Variants in TCF25 observed in about 807,000 individuals in gnomAD.
The protein encoded by TCF25 is ribosome quality control complex subunit TCF25.
In TCF25, 41 loss-of-function variants were observed where a neutral mutation model predicts 83.1. The ratio of observed to expected loss-of-function variants is 0.49; its 90% CI spans 0.38 to 0.64. TCF25 has a LOEUF of 0.64. TCF25 is among the 30% of genes least tolerant of loss of function. TCF25 has a pLI of 0.00. For missense variants in TCF25, 979 were observed against 914.5 expected, an observed-to-expected ratio of 1.07 and a Z score of -0.91; for synonymous variants, 458 against 365.0, an observed-to-expected ratio of 1.25 and a Z score of -2.90.
Position 89,911,212 on chromosome 16 carries a change from G to T in TCF25, c.2005G>T (p.Ala669Ser). ...CCTGGAGGCGCCGCACGAGGACGAC[G>T]CTGAGGGGGAGGGGGAGTGGGACTG... is the stretch of plus-strand genomic sequence containing the variant. ...NDLEAPHEDD[A>S]EGEGEWD Residue 669 changes from alanine (A) to serine (S), a missense_variant, in exon 18 of 18, where the codon GCT becomes TCT. Transcript: ENST00000263346. The T allele has an allele frequency of 6.2e-7, 1 of 1,612,494 alleles. No homozygotes were observed. The highest frequency in any genetic ancestry group is 1.7e-5 in the Admixed American group (1 of 60,014).
chr16:89,879,289 ACACAGACGGGCTT>A (rs2042428604), intron 1 of TCF25, among the ~76,000 whole-genome samples: 1 of 118,508 alleles, frequency 8.4e-6, no homozygotes, highest in Non-Finnish European at 1.7e-5. Flanking sequence ...TTGTCCGTGT[ACACAGACGGGCTT>A]CAGAGCCTGT....
intron 1 of TCF25, among the ~76,000 whole-genome samples, chr16:89,882,504 T>C (rs905425700): frequency 3.3e-5 from 5 of 152,222 alleles, no homozygotes; most frequent in Non-Finnish European, 7.3e-5. Flanking sequence ...ACTGCTGCAC[T>C]GCAGCCTGGA....
intron 4 of TCF25, among the ~76,000 whole-genome samples, 197 bp from the exon 5 acceptor site, chr16:89,887,455 G>T (rs1168803957): frequency 6.6e-6 from 1 of 152,236 alleles, no homozygotes; most frequent in African/African-American, 2.4e-5. Flanking sequence ...GCACAGTGAC[G>T]GCAGCTTCCC....
intron 16 of TCF25, among the ~76,000 whole-genome samples, chr16:89,908,657 C>T (rs867245153): frequency 5.6e-5 from 6 of 107,702 alleles, no homozygotes; most frequent in African/African-American, 6.9e-5. Context: ...GCTCCCACCT[C>T]CCAGCTCCCA....
Position 89,898,581 on chromosome 16 carries a change from G to A in TCF25, c.1047G>A (p.Lys349=), listed in dbSNP as rs1326243171. The change falls in exon 10 of 18, where the codon AAG becomes AAA. Residue 349 remains lysine (K), a synonymous_variant. Transcript: ENST00000263346. ...GGAGCTTCTACCTGGCCCTCTACAA[G>A]CAGATGAGCTTCCTGGAGAAGCGAG... The part of the protein sequence containing the change: ...ENRSFYLALY[K]QMSFLEKRGC... 1.9e-6 allele frequency: 3 copies of A among 1,613,214 alleles called. No homozygotes were observed. The highest frequency in any genetic ancestry group is 2.5e-6 in the Non-Finnish European group (3 of 1,180,026).
At chr16:89,904,274 C>T in intron 13 of TCF25, 69 bp downstream of exon 13, 1 of 1,510,678 alleles carries the variant, frequency 6.6e-7, no homozygotes, top group South Asian at 1.2e-5. Flanking sequence ...CATTTTCACT[C>T]ATCCTGAGAG....
intron 1 of TCF25, among the ~76,000 whole-genome samples, chr16:89,881,590 C>T (rs2042612414): frequency 6.6e-6 from 1 of 151,874 alleles, no homozygotes. Flanking sequence ...AGCTGGGACT[C>T]AAGAGGTGTG....
intron 17 of TCF25, 64 bp downstream of exon 17, chr16:89,910,727 A>G: frequency 2.0e-6 from 3 of 1,529,460 alleles, no homozygotes; most frequent in Non-Finnish European, 2.7e-6. Flanking sequence ...TTCCAGTGCG[A>G]ATGCCTGGAG....
At chr16:89,875,049 G>C (rs1334922379) in intron 1 of TCF25, among the ~76,000 whole-genome samples, 1 of 152,160 alleles carries the variant, frequency 6.6e-6, no homozygotes, top group Non-Finnish European at 1.5e-5. Context: ...GCCCAGGCTG[G>C]AGTGCATTGG....
intron 17 of TCF25, 127 bp from the exon 18 acceptor site, chr16:89,910,952 TG>T: frequency 1.5e-6 from 2 of 1,308,194 alleles, no homozygotes; most frequent in Non-Finnish European, 2.1e-6. Context: ...CACAGGGACC[TG>T]GGGAGGGTTC....
intron 5 of TCF25, among the ~76,000 whole-genome samples, chr16:89,888,416 C>T (rs896176475): frequency 3.3e-5 from 5 of 151,834 alleles, no homozygotes; most frequent in South Asian, 4.2e-4. Flanking sequence ...GGAGAAACCC[C>T]GTCTCTACTA....
chr16:89,908,497 G>A (rs1555619459), intron 16 of TCF25, among the ~76,000 whole-genome samples: 29 of 25,486 alleles, frequency 1.1e-3, no homozygotes, highest in South Asian at 1.4e-3. Context: ...CTCTTTCCTC[G>A]CAGTTCCCAC....
chr16:89,900,616 G>T lies in TCF25; in HGVS notation c.1222-19G>T, dbSNP rs760130903. On this transcript the variant is annotated intron_variant, in intron 11 of 17. Transcript: ENST00000263346. ...TTTATGACTTAAGGCTCCACGCTCT[G>T]TTTCTTCGTCCCTCGTAGGCTCATC... 6.4e-7 allele frequency: 1 copy of T among 1,565,694 alleles called. No individual in the cohort carries two copies. The highest frequency in any genetic ancestry group is 8.7e-7 in the Non-Finnish European group (1 of 1,143,190).
chr16:89,892,573 C>G (rs1395461028), intron 6 of TCF25, among the ~76,000 whole-genome samples: 1 of 152,244 alleles, frequency 6.6e-6, no homozygotes, highest in African/African-American at 2.4e-5. Flanking sequence ...CTCCCAGGCA[C>G]AGTCTTTGTG....
At chr16:89,882,181 A>G (rs1485406835) in intron 1 of TCF25, among the ~76,000 whole-genome samples, 1 of 152,180 alleles carries the variant, frequency 6.6e-6, no homozygotes, top group Admixed American at 6.6e-5. Flanking sequence ...TATACTCCTA[A>G]GATTCATCCA....
At chr16:89,911,039 G>GCA (rs1277406387) in intron 17 of TCF25, 41 bp from the exon 18 acceptor site, 1 of 1,606,186 alleles carries the variant, frequency 6.2e-7, no homozygotes, top group Admixed American at 1.7e-5. Flanking sequence ...CCTAGTCCCA[G>GCA]CACAGACAGC....
At chr16:89,882,650 G>C (rs1451584447) in intron 1 of TCF25, among the ~76,000 whole-genome samples, 2 of 152,154 alleles carry the variant, frequency 1.3e-5, no homozygotes, top group Non-Finnish European at 2.9e-5. Flanking sequence ...GTAGTGGTGC[G>C]ATCTTGACTC....
In TCF25 at chr16:89,873,769, G is replaced by A. The variant is rs1567684246; in HGVS notation, c.102G>A (p.Ala34=). ...LHFDLRDDDD[A]EEEGPKRELG... ...TCGATCTCCGTGATGACGATGACGC[G>A]GAAGAAGAAGGGCCCAAGCGGGAGC... Residue 34 remains alanine, a synonymous_variant, in exon 1 of 18, where the codon GCG becomes GCA. Coordinates refer to ENST00000263346, the MANE Select transcript of TCF25 (RefSeq NM_014972.3). 5.0e-6 allele frequency: 8 copies of A among 1,610,766 alleles called. No individual in the cohort carries two copies. Among genetic ancestry groups the A allele is most frequent in the Middle Eastern group, 3.3e-4 (2 of 6,048 alleles).
intron 11 of TCF25, among the ~76,000 whole-genome samples, chr16:89,900,233 C>T (rs2044204752): frequency 1.4e-5 from 2 of 147,718 alleles, no homozygotes; most frequent in East Asian, 2.2e-4. Context: ...ACTCGCGTGG[C>T]GGGCTGCTCT....
Sources: allele counts gnomAD v4.1 joint callset (sites outside exome capture counted in the v4.1 genomes callset), GRCh38; gene constraint gnomAD v4.1.1; transcripts MANE v1.5; gene names NCBI Gene and HGNC (gene_info 2026-07-23, HGNC 2026-07-21).